Variants in PGD observed in about 807,000 individuals in gnomAD.
PGD encodes the protein phosphogluconate dehydrogenase.
In PGD, 21 loss-of-function variants were observed where a neutral mutation model predicts 60.4. The observed-to-expected ratio is 0.35, with a 90% confidence interval of 0.25 to 0.50. The LOEUF is 0.50. Ranked by LOEUF, PGD falls within the 20% of genes least tolerant of loss-of-function variation. PGD has a pLI of 0.98. For missense variants in PGD, 477 were observed against 613.1 expected, an observed-to-expected ratio of 0.78 and a Z score of 2.34; for synonymous variants, 230 against 235.9, an observed-to-expected ratio of 0.97 and a Z score of 0.23.
At chr1:10,409,116 C>A (rs1202453216) in intron 6 of PGD, among the ~76,000 whole-genome samples, 19 of 152,228 alleles carry the variant, frequency 1.2e-4, no homozygotes, top group Non-Finnish European at 2.9e-5. Context: ...TCCAAGCTCT[C>A]TTCAGCTCCT....
chr1:10,414,560 G>A (rs543212533), intron 8 of PGD, among the ~76,000 whole-genome samples: 116 of 151,832 alleles, frequency 7.6e-4, no homozygotes, highest in African/African-American at 2.7e-3. Context: ...TGTTATTAGT[G>A]GAGACGGGGT....
In PGD at chr1:10,404,236, C is replaced by T. The variant is rs756492919; in HGVS notation, c.406C>T (p.Arg136Trp). 6 of 1,613,558 alleles carry T rather than the reference C, an allele frequency of 3.7e-6. No homozygotes were observed. Among genetic ancestry groups the T allele is most frequent in the African/African-American group, 1.3e-5 (1 of 74,884 alleles). ...AGTCAGTGGTGGAGAGGAAGGGGCC[C>T]GGTATGGCCCATCGCTCATGCCAGG... ...SGVSGGEEGA[R>W]YGPSLMPGGN... is the part of the protein sequence containing the mutation. The change falls in exon 5 of 13, where the codon CGG becomes TGG. Residue 136 changes from arginine (R) to tryptophan (W), a missense_variant. By Grantham distance (101) the Arg-to-Trp change is moderately radical. Around this residue, in one of 3 missense-constraint regions of PGD, gnomAD observed 431 missense variants for 556.6 expected, o/e 0.77. Coordinates refer to ENST00000270776, the MANE Select transcript of PGD (RefSeq NM_002631.4).
Position 10,419,765 on chromosome 1 carries a change from C to T in PGD, c.*16C>T, listed in dbSNP as rs1206428866. 1.9e-6 allele frequency: 3 copies of T among 1,614,032 alleles called. No individual in the cohort carries two copies. The highest frequency in any genetic ancestry group is 1.3e-5 in the African/African-American group (1 of 75,076). ...CAATGCCTGATCATGCTGCTCCTGT[C>T]ACCCTCCACGATTCCACAGACCAGG... On this transcript the variant is annotated 3_prime_UTR_variant, in exon 13 of 13. Coordinates refer to ENST00000270776, the MANE Select transcript of PGD (RefSeq NM_002631.4).
At chr1:10,408,432 C>T (rs904495265) in intron 6 of PGD, among the ~76,000 whole-genome samples, 3 of 151,626 alleles carry the variant, frequency 2.0e-5, no homozygotes, top group Non-Finnish European at 3.0e-5. Flanking sequence ...AAGATTTTTT[C>T]GAGCCATATT....
chr1:10,408,913 G>A (rs149556341), intron 6 of PGD, among the ~76,000 whole-genome samples: 3 of 152,080 alleles, frequency 2.0e-5, no homozygotes, highest in African/African-American at 4.8e-5. Flanking sequence ...GCCCGGCCTC[G>A]TGTTGCTGTT....
chr1:10,419,112 G>A (rs953658183), intron 11 of PGD, among the ~76,000 whole-genome samples, 187 bp downstream of exon 11: 13 of 151,406 alleles, frequency 8.6e-5, no homozygotes, highest in Non-Finnish European at 1.8e-4. Flanking sequence ...GGGTTCAAGC[G>A]ATTCTCCTGC....
chr1:10,401,606 A>G (rs1259344016), intron 3 of PGD, among the ~76,000 whole-genome samples: 1 of 152,238 alleles, frequency 6.6e-6, no homozygotes, highest in Non-Finnish European at 1.5e-5. Context: ...TTGTGTGGCA[A>G]GCTGCCTGTA....
intron 7 of PGD, among the ~76,000 whole-genome samples, chr1:10,411,918 A>C (rs1286408280): frequency 6.6e-6 from 1 of 152,186 alleles, no homozygotes; most frequent in Non-Finnish European, 1.5e-5. Flanking sequence ...TAATCTGAAA[A>C]GTCAGTCCAA....
chr1:10,419,568 G>A, intron 12 of PGD, 29 bp downstream of exon 12: 1 of 1,614,020 alleles, frequency 6.2e-7, no homozygotes. Flanking sequence ...GATTAACCTG[G>A]CTGGCCCCTC....
At position 10,419,403 on chromosome 1, in the gene PGD, C is replaced by G; in HGVS notation, c.1210-14C>G. The G allele has an allele frequency of 6.2e-7, 1 of 1,609,156 alleles. No homozygotes were observed. The highest frequency in any genetic ancestry group is 1.3e-5 in the African/African-American group (1 of 74,920). Reference sequence around the variant, plus strand: ...GGCAGATCACTAATCTCTGGCCGTGCGTTTTGTGCTCAGGACTCCTGGCGG... The same window carrying G: ...GGCAGATCACTAATCTCTGGCCGTGGGTTTTGTGCTCAGGACTCCTGGCGG... On this transcript the variant is annotated splice_polypyrimidine_tract_variant and intron_variant, in intron 11 of 12. Coordinates refer to ENST00000270776, the MANE Select transcript of PGD (RefSeq NM_002631.4).
intron 7 of PGD, 127 bp from the exon 8 acceptor site, chr1:10,412,935 C>T: frequency 1.4e-6 from 1 of 714,774 alleles, no homozygotes. Context: ...GAGCAGAAGT[C>T]CCCAGGCAGA....
chr1:10,408,603 A>C (rs1157525776), intron 6 of PGD, among the ~76,000 whole-genome samples: 2 of 152,150 alleles, frequency 1.3e-5, no homozygotes, highest in Non-Finnish European at 2.9e-5. Flanking sequence ...GCTTGAACAA[A>C]GTAACCTGTG....
chr1:10,410,754 T>C (rs960938763), intron 6 of PGD, among the ~76,000 whole-genome samples: 2 of 152,140 alleles, frequency 1.3e-5, no homozygotes, highest in African/African-American at 2.4e-5. Context: ...ACCACGAAGA[T>C]CCATAGTTAA....
chr1:10,402,811 C>T (rs1490056025), intron 3 of PGD, among the ~76,000 whole-genome samples: 1 of 152,008 alleles, frequency 6.6e-6, no homozygotes, highest in Non-Finnish European at 1.5e-5. Flanking sequence ...GCGTGAGCCA[C>T]CGCGCCTGGC....
intron 6 of PGD, 128 bp downstream of exon 6, chr1:10,408,268 T>C: frequency 1.4e-6 from 1 of 690,330 alleles, no homozygotes; most frequent in Admixed American, 2.1e-5. Context: ...CGATCTTTGA[T>C]TGCTAGAATA....
intron 8 of PGD, among the ~76,000 whole-genome samples, chr1:10,415,642 AGCT>A (rs1249112663): frequency 6.6e-6 from 1 of 152,190 alleles, no homozygotes; most frequent in Non-Finnish European, 1.5e-5. Flanking sequence ...GGAGAGAGGT[AGCT>A]GCTTTTGTGT....
At position 10,399,098 on chromosome 1, in the gene PGD, G is replaced by T. The variant is rs775389600; in HGVS notation, c.-20G>T. 5.6e-6 allele frequency: 9 copies of T among 1,609,488 alleles called. No homozygotes were observed. In the African/African-American group the frequency reaches 8.0e-5, roughly 14 times the overall value. On this transcript the variant is annotated 5_prime_UTR_variant, in exon 1 of 13. Transcript: ENST00000270776. ...GTCCTCCGCGCGTCGCCGCTCTTCG[G>T]TTCTGCTCTGTCCGCCGCCATGGCC...
At chr1:10,399,840 A>G (rs1482895796) in intron 2 of PGD, 136 bp downstream of exon 2, 3 of 767,192 alleles carry the variant, frequency 3.9e-6, no homozygotes, top group South Asian at 1.5e-5. Context: ...GCATTTTTGT[A>G]TGGAAAGGAG....
chr1:10,405,233 C>T (rs1200301872), intron 5 of PGD, among the ~76,000 whole-genome samples: 2 of 151,774 alleles, frequency 1.3e-5, no homozygotes, highest in Non-Finnish European at 2.9e-5. Flanking sequence ...ATTAGCCGGG[C>T]ATGGTGGCGT....
Sources: allele counts gnomAD v4.1 joint callset (sites outside exome capture counted in the v4.1 genomes callset), GRCh38; gene constraint gnomAD v4.1.1; regional missense constraint gnomAD v4.1.1; transcripts MANE v1.5; gene names NCBI Gene and HGNC (gene_info 2026-07-23, HGNC 2026-07-21).